Variants in TLK2 observed in about 807,000 individuals in gnomAD.
TLK2 encodes the protein tousled like kinase 2, also known as serine/threonine-protein kinase tousled-like 2.
A neutral mutation model predicts 117.3 loss-of-function variants in TLK2; 6 were observed. The observed-to-expected ratio is 0.05, with a 90% CI of 0.03 to 0.10. The LOEUF is 0.10. Among genes scored for constraint, TLK2 ranks in the 10% least tolerant of loss-of-function variants. TLK2 has a pLI of 1.00. For synonymous variants in TLK2, 257 were observed against 316.7 expected, an observed-to-expected ratio of 0.81 and a Z score of 2.00; for missense variants, 299 against 901.2, an observed-to-expected ratio of 0.33 and a Z score of 8.56.
intron 14 of TLK2, among the ~76,000 whole-genome samples, chr17:62,579,324 A>C (rs1193669671): frequency 3.3e-5 from 5 of 152,272 alleles, no homozygotes; most frequent in African/African-American, 1.2e-4. Context: ...TTAATACATT[A>C]ATCAGAAAAC....
intron 2 of TLK2, among the ~76,000 whole-genome samples, chr17:62,517,767 A>C (rs2075727445): frequency 6.6e-6 from 1 of 152,154 alleles, no homozygotes; most frequent in African/African-American, 2.4e-5. Flanking sequence ...ATACAATCTC[A>C]GCTCACTGCA....
At chr17:62,489,203 AT>A (rs755242825) in intron 2 of TLK2, among the ~76,000 whole-genome samples, 258 of 71,454 alleles carry the variant, frequency 3.6e-3, no homozygotes, top group Admixed American at 5.9e-3. Flanking sequence ...GTGTGTGTAA[AT>A]TTTTTTTTTT....
chr17:62,579,814 C>A (rs2081077624), intron 14 of TLK2, among the ~76,000 whole-genome samples: 1 of 152,176 alleles, frequency 6.6e-6, no homozygotes, highest in Non-Finnish European at 1.5e-5. Flanking sequence ...AATCTACCCT[C>A]CCTCATTGTA....
At chr17:62,483,758 C>G (rs147596413) in intron 2 of TLK2, among the ~76,000 whole-genome samples, 208 of 152,298 alleles carry the variant, frequency 1.4e-3, no homozygotes, top group African/African-American at 4.8e-3. Context: ...CTGCCTCTGC[C>G]TCCCAGAGTG....
Position 62,540,666 on chromosome 17 carries a change from T to C in TLK2, c.531+4329T>C, listed in dbSNP as rs561302545. The stretch of plus-strand genomic sequence containing the variant: ...CACCCGCCTTGGCCTCCCAAAGTGC[T>C]GGGATTACAGGCATGAGCCACTGCA... On this transcript the variant is annotated intron_variant, in intron 7 of 21. Coordinates refer to ENST00000346027, the MANE Select transcript of TLK2 (RefSeq NM_006852.6). Among the ~76,000 whole-genome samples, 391 of 152,108 alleles carry C rather than the reference T, an allele frequency of 2.6e-3. 2 individuals are homozygous for C. Among genetic ancestry groups the C allele is most frequent in the African/African-American group, 8.9e-3 (370 of 41,522 alleles).
intron 12 of TLK2, among the ~76,000 whole-genome samples, chr17:62,573,793 G>GT (rs2080515363): frequency 6.6e-6 from 1 of 152,170 alleles, no homozygotes; most frequent in East Asian, 1.9e-4. Flanking sequence ...CACAAACTTA[G>GT]GATAAGCCCC....
At chr17:62,578,420 A>G in intron 13 of TLK2, 57 bp from the exon 14 acceptor site, 1 of 1,382,890 alleles carries the variant, frequency 7.2e-7, no homozygotes, top group South Asian at 1.2e-5. Context: ...TTGAAATAAG[A>G]TCCCGAAAAG....
chr17:62,610,957 TAGTG>T (rs1490583182), intron 21 of TLK2, among the ~76,000 whole-genome samples: 1 of 152,106 alleles, frequency 6.6e-6, no homozygotes, highest in African/African-American at 2.4e-5. Context: ...TTGGGAAACA[TAGTG>T]AGACCCATTT....
At chr17:62,553,573 C>T in intron 8 of TLK2, 90 bp from the exon 9 acceptor site, 3 of 888,436 alleles carry the variant, frequency 3.4e-6, no homozygotes, top group Admixed American at 2.2e-5. Flanking sequence ...GTGCTTTTTC[C>T]CACCCCCCCG....
At chr17:62,528,757 C>T (rs1278297933) in intron 6 of TLK2, among the ~76,000 whole-genome samples, 3 of 152,070 alleles carry the variant, frequency 2.0e-5, no homozygotes, top group Non-Finnish European at 2.9e-5. Flanking sequence ...GTTTTAGAAA[C>T]GAAGGATATA....
At chr17:62,571,979 C>T (rs2080337172) in intron 11 of TLK2, among the ~76,000 whole-genome samples, 1 of 151,792 alleles carries the variant, frequency 6.6e-6, no homozygotes, top group Non-Finnish European at 1.5e-5. Context: ...ACCAGCCTAG[C>T]CAACATGATG....
At chr17:62,609,363 A>G (rs2083560639) in intron 21 of TLK2, among the ~76,000 whole-genome samples, 1 of 152,122 alleles carries the variant, frequency 6.6e-6, no homozygotes, top group Admixed American at 6.5e-5. Flanking sequence ...AATTATAGGT[A>G]TGAGCCACTG....
chr17:62,532,139 A>G (rs2076781779), intron 6 of TLK2, among the ~76,000 whole-genome samples: 1 of 152,068 alleles, frequency 6.6e-6, no homozygotes. Context: ...CAGATCCCTA[A>G]TACTTTATCA....
At chr17:62,499,130 C>G (rs1054238784) in intron 2 of TLK2, among the ~76,000 whole-genome samples, 10 of 151,900 alleles carry the variant, frequency 6.6e-5, no homozygotes, top group Non-Finnish European at 1.3e-4. Context: ...CATCTGAGGT[C>G]AGGAATTCGA....
At chr17:62,500,949 T>G (rs185211957) in intron 2 of TLK2, among the ~76,000 whole-genome samples, 8 of 151,938 alleles carry the variant, frequency 5.3e-5, no homozygotes, top group Non-Finnish European at 2.9e-5. Context: ...TACTAGAAAA[T>G]ATTTGTGAGC....
chr17:62,537,924 C>A (rs556368810), intron 7 of TLK2, among the ~76,000 whole-genome samples: 1 of 151,816 alleles, frequency 6.6e-6, no homozygotes, highest in Non-Finnish European at 1.5e-5. Context: ...TGGAATAGTT[C>A]CTTTGAGAAT....
intron 6 of TLK2, among the ~76,000 whole-genome samples, chr17:62,530,678 A>G (rs1393780235): frequency 6.6e-6 from 1 of 152,218 alleles, no homozygotes; most frequent in South Asian, 2.1e-4. Context: ...GTTTAGGTTT[A>G]TCTATGTATT....
At position 62,549,447 on chromosome 17, in the gene TLK2, A is replaced by G. The variant is rs574358581; in HGVS notation, c.532-2855A>G. Among the ~76,000 whole-genome samples, 78 of 144,908 alleles carry G rather than the reference A, an allele frequency of 5.4e-4. 5 individuals are homozygous for G. The highest frequency in any genetic ancestry group is 1.7e-4 in the Non-Finnish European group (11 of 65,810). On this transcript the variant is annotated intron_variant, in intron 7 of 21. Transcript: ENST00000346027. ...AAAAAAAAAAAAAAAATAGAAACACATTGTAAAAGGAGAGGATTGTAAAAG... is the reference window on the plus strand; with the variant it reads ...AAAAAAAAAAAAAAAATAGAAACACGTTGTAAAAGGAGAGGATTGTAAAAG...
chr17:62,542,752 A>G (rs930801812), intron 7 of TLK2, among the ~76,000 whole-genome samples: 2 of 152,136 alleles, frequency 1.3e-5, no homozygotes, highest in Admixed American at 6.6e-5. Flanking sequence ...TTTTTCCCTT[A>G]ATGGCAAGTC....
Sources: gnomAD v4.1 joint callset for allele counts (sites outside exome capture counted in the v4.1 genomes callset) on GRCh38, gnomAD v4.1.1 for gene constraint, MANE v1.5 for transcripts, NCBI Gene and HGNC (gene_info 2026-07-23, HGNC 2026-07-21) for gene names.